SEMA5A: variants seen among roughly 807,000 people sequenced by gnomAD.
SEMA5A encodes the protein semaphorin 5A.
Under a neutral mutation model 135.5 loss-of-function variants are expected in SEMA5A, and 55 were observed. That is an observed-to-expected ratio of 0.41 (90% CI 0.33 to 0.51). The LOEUF is 0.51. SEMA5A is among the 20% of genes least tolerant of loss of function. The probability of loss-of-function intolerance (pLI) is 0.37; values close to 1 mark genes in which losing one functional copy is unlikely to be tolerated. For synonymous variants in SEMA5A, 580 were observed against 546.5 expected (o/e 1.06, Z -0.85); for missense variants, 1,290 against 1,419.9 (o/e 0.91, Z 1.47).
intron 13 of SEMA5A, among the ~76,000 whole-genome samples, chr5:9,134,639 T>G (rs539915700): frequency 6.6e-6 from 1 of 152,312 alleles, no homozygotes; most frequent in African/African-American, 2.4e-5. Flanking sequence ...TAGTAATAAT[T>G]ACATAATTAG....
chr5:9,083,392 C>T (rs1316734859), intron 16 of SEMA5A, among the ~76,000 whole-genome samples: 1 of 152,138 alleles, frequency 6.6e-6, no homozygotes, highest in Non-Finnish European at 1.5e-5. Context: ...AAAAATAACT[C>T]AGGTTATTTA....
At chr5:9,507,349 C>T (rs1303399472) in intron 1 of SEMA5A, among the ~76,000 whole-genome samples, 1 of 152,218 alleles carries the variant, frequency 6.6e-6, no homozygotes, top group Admixed American at 6.5e-5. Flanking sequence ...AATATGCCAT[C>T]TGGTGCAGTA....
At chr5:9,338,036 G>A (rs551793102) in intron 3 of SEMA5A, among the ~76,000 whole-genome samples, 3 of 152,246 alleles carry the variant, frequency 2.0e-5, no homozygotes, top group East Asian at 1.9e-4. Context: ...AAGAGCAAGC[G>A]AGGCATCAAT....
chr5:9,304,621 G>T (rs1009766295), intron 5 of SEMA5A, among the ~76,000 whole-genome samples: 1 of 152,040 alleles, frequency 6.6e-6, no homozygotes, highest in Admixed American at 6.6e-5. Flanking sequence ...CTCCAAATTT[G>T]TAACTAATAA....
intron 12 of SEMA5A, 119 bp from the exon 13 acceptor site, chr5:9,136,740 A>G (rs576474450): frequency 2.6e-5 from 20 of 779,806 alleles, no homozygotes; most frequent in East Asian, 9.7e-5. Flanking sequence ...ATGAAGCCCA[A>G]TGGGTATTTA....
chr5:9,476,469 G>C (rs749463360), intron 1 of SEMA5A, among the ~76,000 whole-genome samples: 1 of 151,774 alleles, frequency 6.6e-6, no homozygotes, highest in Non-Finnish European at 1.5e-5. Flanking sequence ...TGCCTTTTTG[G>C]TTTCTTGATA....
chr5:9,481,424 A>G (rs1452368200), intron 1 of SEMA5A, among the ~76,000 whole-genome samples: 1 of 152,198 alleles, frequency 6.6e-6, no homozygotes, highest in East Asian at 1.9e-4. Context: ...CTTGTGGTCA[A>G]TAGGAGGTCA....
chr5:9,219,248 G>A (rs1017324247), intron 8 of SEMA5A, among the ~76,000 whole-genome samples: 1 of 152,202 alleles, frequency 6.6e-6, no homozygotes, highest in Non-Finnish European at 1.5e-5. Flanking sequence ...AAGCACAGAA[G>A]TGGAGGAATA....
intron 5 of SEMA5A, among the ~76,000 whole-genome samples, chr5:9,259,643 C>T (rs1239286162): frequency 6.6e-6 from 1 of 151,764 alleles, no homozygotes; most frequent in Non-Finnish European, 1.5e-5. Flanking sequence ...TGAATGACTA[C>T]TGGGTACATA....
At chr5:9,419,824 G>A (rs1000036693) in intron 2 of SEMA5A, among the ~76,000 whole-genome samples, 4 of 151,992 alleles carry the variant, frequency 2.6e-5, no homozygotes, top group Non-Finnish European at 4.4e-5. Context: ...TCAACACAAC[G>A]AATAACCAAC....
chr5:9,412,298 C>G (rs147011037), intron 2 of SEMA5A, among the ~76,000 whole-genome samples: 1 of 151,542 alleles, frequency 6.6e-6, no homozygotes, highest in Non-Finnish European at 1.5e-5. Context: ...ATTAAGTCCT[C>G]GAAAATTAAT....
intron 11 of SEMA5A, among the ~76,000 whole-genome samples, chr5:9,173,748 G>C (rs1355016123): frequency 6.6e-6 from 1 of 152,186 alleles, no homozygotes; most frequent in Non-Finnish European, 1.5e-5. Flanking sequence ...AGGCTCCTTT[G>C]ATTCTTCAAA....
At chr5:9,223,805 A>C (rs1747142292) in intron 8 of SEMA5A, among the ~76,000 whole-genome samples, 1 of 152,194 alleles carries the variant, frequency 6.6e-6, no homozygotes, top group Non-Finnish European at 1.5e-5. Context: ...GCACAGATAT[A>C]CAGAGGGCTG....
chr5:9,530,343 G>A (rs1457689544), intron 1 of SEMA5A, among the ~76,000 whole-genome samples: 1 of 152,124 alleles, frequency 6.6e-6, no homozygotes, highest in Admixed American at 6.6e-5. Context: ...GTAGTCTTTT[G>A]AGATTGCACA....
intron 7 of SEMA5A, 39 bp downstream of exon 7, chr5:9,226,830 T>G (rs570889997): frequency 6.7e-7 from 1 of 1,488,096 alleles, no homozygotes; most frequent in African/African-American, 1.4e-5. Context: ...TTGCCTCTTC[T>G]GATATTAAAT....
chr5:9,133,255 C>A (rs1451886107), intron 13 of SEMA5A, among the ~76,000 whole-genome samples: 2 of 152,162 alleles, frequency 1.3e-5, no homozygotes, highest in Admixed American at 6.5e-5. Context: ...TCATTTACAT[C>A]TAGGTCATCT....
chr5:9,384,621 T>C (rs1755777302), intron 2 of SEMA5A, among the ~76,000 whole-genome samples: 4 of 41,006 alleles, frequency 9.8e-5, no homozygotes, highest in African/African-American at 3.6e-4. Context: ...GATAGATACA[T>C]AGATAGATAG....
intron 1 of SEMA5A, among the ~76,000 whole-genome samples, chr5:9,458,901 C>T (rs1410524133): frequency 1.3e-5 from 2 of 152,070 alleles, no homozygotes; most frequent in Non-Finnish European, 2.9e-5. Context: ...TTTAATGCCC[C>T]CAGGGACAAC....
chr5:9,532,440 C>CTTTTT (rs4045370), intron 1 of SEMA5A, among the ~76,000 whole-genome samples: 1 of 125,144 alleles, frequency 8.0e-6, no homozygotes, highest in Non-Finnish European at 1.6e-5. Context: ...TAATTTTTTT[C>CTTTTT]TTTTTTTTTT....
Sources: allele counts gnomAD v4.1 joint callset (sites outside exome capture counted in the v4.1 genomes callset), GRCh38; gene constraint gnomAD v4.1.1; transcripts MANE v1.5; gene names NCBI Gene and HGNC (gene_info 2026-07-23, HGNC 2026-07-21).